Variants in DMRT1 observed in about 807,000 individuals in gnomAD.
DMRT1 encodes doublesex and mab-3 related transcription factor 1.
Under a neutral mutation model 32.3 loss-of-function variants are expected in DMRT1, and 7 were observed. That is an observed-to-expected ratio of 0.22 (90% confidence interval 0.12 to 0.41). The LOEUF (loss-of-function observed/expected upper bound fraction) is 0.41. DMRT1 is among the 10% of genes least tolerant of loss of function. The probability of loss-of-function intolerance (pLI) is 1.00; values close to 1 mark genes in which losing one functional copy is unlikely to be tolerated. For missense variants in DMRT1, 625 were observed against 500.5 expected (o/e 1.25, Z -2.37); for synonymous variants, 278 against 206.1 (o/e 1.35, Z -2.99).
intron 4 of DMRT1, among the ~76,000 whole-genome samples, chr9:925,003 C>G (rs1046152289): frequency 6.6e-6 from 1 of 152,202 alleles, no homozygotes; most frequent in African/African-American, 2.4e-5. Flanking sequence ...TGCCATTTGA[C>G]AAGGCCTCCT....
intron 2 of DMRT1, among the ~76,000 whole-genome samples, chr9:849,095 G>A (rs1839031280): frequency 6.6e-6 from 1 of 151,508 alleles, no homozygotes; most frequent in African/African-American, 2.4e-5. Flanking sequence ...CGTCTCAGGA[G>A]GTAGGAATTA....
chr9:862,977 C>T (rs1815789025), intron 2 of DMRT1, among the ~76,000 whole-genome samples: 2 of 151,832 alleles, frequency 1.3e-5, no homozygotes, highest in South Asian at 2.1e-4. Flanking sequence ...TGAGATGATC[C>T]TGGATTTTCC....
intron 2 of DMRT1, among the ~76,000 whole-genome samples, chr9:878,528 C>A (rs905644744): frequency 5.3e-5 from 8 of 152,040 alleles, no homozygotes; most frequent in African/African-American, 1.9e-4. Context: ...GGAGTAATAT[C>A]ACACCAAACG....
intron 2 of DMRT1, among the ~76,000 whole-genome samples, chr9:851,562 GTT>G (rs1839153529): frequency 6.6e-6 from 1 of 152,094 alleles, no homozygotes; most frequent in Non-Finnish European, 1.5e-5. Context: ...AGTCCTTGAA[GTT>G]TCTTAGTTAT....
intron 2 of DMRT1, among the ~76,000 whole-genome samples, chr9:848,003 C>G (rs563542315): frequency 6.6e-6 from 1 of 152,310 alleles, no homozygotes; most frequent in African/African-American, 2.4e-5. Flanking sequence ...AATGTGGGAG[C>G]TATGAGACAT....
intron 4 of DMRT1, among the ~76,000 whole-genome samples, chr9:930,867 T>G (rs1321191958): frequency 6.6e-6 from 1 of 152,208 alleles, no homozygotes; most frequent in Non-Finnish European, 1.5e-5. Flanking sequence ...ACTGCTTCAT[T>G]AAAATATAAC....
At chr9:900,529 A>G (rs1299856633) in intron 3 of DMRT1, among the ~76,000 whole-genome samples, 1 of 152,048 alleles carries the variant, frequency 6.6e-6, no homozygotes, top group Admixed American at 6.6e-5. Flanking sequence ...TGCTGTAGGA[A>G]GGCGCAGTGA....
At chr9:918,331 C>G (rs538982196) in intron 4 of DMRT1, among the ~76,000 whole-genome samples, 1 of 152,226 alleles carries the variant, frequency 6.6e-6, no homozygotes, top group South Asian at 2.1e-4. Flanking sequence ...GCTTCTTACA[C>G]CAGGAATAAT....
chr9:861,795 G>A (rs182940084), intron 2 of DMRT1, among the ~76,000 whole-genome samples: 4,363 of 69,608 alleles, frequency 0.063, 223 homozygotes, highest in African/African-American at 0.18. Context: ...CAGACGGGGC[G>A]GCTGCCGGGC....
At chr9:857,564 G>C (rs1323041068) in intron 2 of DMRT1, among the ~76,000 whole-genome samples, 1 of 152,126 alleles carries the variant, frequency 6.6e-6, no homozygotes, top group Non-Finnish European at 1.5e-5. Flanking sequence ...TCCTGAAAAC[G>C]AGGGAGCAAG....
chr9:880,352 T>G (rs72699249), intron 2 of DMRT1, among the ~76,000 whole-genome samples: 2,279 of 152,314 alleles, frequency 0.015, 41 homozygotes, highest in Middle Eastern at 0.058. Context: ...AAGGGTGTCT[T>G]TAGCAAAATC....
chr9:916,650 G>A, intron 3 of DMRT1, 113 bp from the exon 4 acceptor site: 1 of 1,329,798 alleles, frequency 7.5e-7, no homozygotes, highest in African/African-American at 1.5e-5. Flanking sequence ...GGGAACATAG[G>A]CATGAGCCAC....
At chr9:850,006 C>T (rs576850799) in intron 2 of DMRT1, among the ~76,000 whole-genome samples, 12 of 152,128 alleles carry the variant, frequency 7.9e-5, no homozygotes, top group East Asian at 1.9e-4. Flanking sequence ...TTAGTAGAGA[C>T]GGGGTTTCCT....
At chr9:941,336 C>A (rs575933543) in intron 4 of DMRT1, among the ~76,000 whole-genome samples, 14 of 118,218 alleles carry the variant, frequency 1.2e-4, no homozygotes, top group East Asian at 9.1e-4. Flanking sequence ...CCCTCCCCCC[C>A]CCCACACATA....
At chr9:862,511 T>G (rs1401746085) in intron 2 of DMRT1, among the ~76,000 whole-genome samples, 14 of 12,242 alleles carry the variant, frequency 1.1e-3, no homozygotes, top group Non-Finnish European at 1.3e-3. Context: ...GACCGTGCAA[T>G]GGGGAGGGGG....
chr9:942,540 T>G (rs1819110561), intron 4 of DMRT1, among the ~76,000 whole-genome samples: 1 of 152,234 alleles, frequency 6.6e-6, no homozygotes, highest in South Asian at 2.1e-4. Context: ...CCCAAGGTTT[T>G]GGGATTACAG....
chr9:898,053 G>A (rs991705923), intron 3 of DMRT1, among the ~76,000 whole-genome samples: 1 of 150,106 alleles, frequency 6.7e-6, no homozygotes, highest in Admixed American at 6.8e-5. Context: ...TTTAGCTAAT[G>A]TTGAAGGGAG....
chr9:849,318 A>T (rs758198603), intron 2 of DMRT1, among the ~76,000 whole-genome samples: 1 of 152,174 alleles, frequency 6.6e-6, no homozygotes, highest in Non-Finnish European at 1.5e-5. Flanking sequence ...TCCTCAGAGT[A>T]ATTTAGGGCT....
At chr9:940,381 T>C (rs956130396) in intron 4 of DMRT1, among the ~76,000 whole-genome samples, 10 of 152,050 alleles carry the variant, frequency 6.6e-5, no homozygotes, top group African/African-American at 2.4e-4. Flanking sequence ...TAGACTAGGA[T>C]AGAAAGCCCA....
Sources: allele counts gnomAD v4.1 joint callset (sites outside exome capture counted in the v4.1 genomes callset), GRCh38; gene constraint gnomAD v4.1.1; transcripts MANE v1.5; gene names NCBI Gene and HGNC (gene_info 2026-07-23, HGNC 2026-07-21).